The following BBOF1 variants were observed in gnomAD, a reference collection of about 807,000 sequenced individuals.
BBOF1 encodes the protein basal body-orientation factor 1.
A neutral mutation model predicts 68.0 loss-of-function variants in BBOF1; 62 were observed. The observed-to-expected ratio is 0.91, with a 90% CI of 0.74 to 1.13. The LOEUF (loss-of-function observed/expected upper bound fraction) is 1.13, where lower values mean the gene tolerates loss of function less well. Among genes scored for constraint, BBOF1 ranks in the 50% most tolerant of loss-of-function variants. The probability of loss-of-function intolerance (pLI) is 0.00; values close to 1 mark genes in which losing one functional copy is unlikely to be tolerated. For synonymous variants in BBOF1, 208 were observed against 198.8 expected (o/e 1.05, Z -0.39); for missense variants, 534 against 600.1 (o/e 0.89, Z 1.15).
chr14:74,035,901 G>A (rs1393861289), intron 4 of BBOF1, among the ~76,000 whole-genome samples: 1 of 152,076 alleles, frequency 6.6e-6, no homozygotes, highest in African/African-American at 2.4e-5. Context: ...ATAGTTAAAA[G>A]TGAATCCTTA....
At chr14:74,023,925 CAAA>C (rs780429164) in intron 2 of BBOF1, among the ~76,000 whole-genome samples, 3 of 46,770 alleles carry the variant, frequency 6.4e-5, no homozygotes, top group Admixed American at 2.4e-4. Flanking sequence ...GACTCCATCT[CAAA>C]AAAAAAAAAA....
chr14:74,043,400 A>G (rs2059873138), intron 5 of BBOF1, among the ~76,000 whole-genome samples: 1 of 145,890 alleles, frequency 6.9e-6, no homozygotes, highest in Non-Finnish European at 1.5e-5. Context: ...AATACAAAAA[A>G]TTAGCCGGGC....
intron 5 of BBOF1, among the ~76,000 whole-genome samples, chr14:74,043,856 C>CTTA (rs2059890330): frequency 6.6e-6 from 1 of 151,828 alleles, no homozygotes; most frequent in Non-Finnish European, 1.5e-5. Context: ...TTTTATATTG[C>CTTA]TAGTCCCTCC....
downstream of BBOF1, chr14:74,070,639 C>A: frequency 6.4e-6 from 1 of 157,066 alleles, no homozygotes; most frequent in Admixed American, 6.2e-5. Flanking sequence ...CAGAGTCAGC[C>A]TTCCTGGATG....
At chr14:74,079,712 G>A (rs555249010) in intron 10 of BBOF1, among the ~76,000 whole-genome samples, 11 of 152,232 alleles carry the variant, frequency 7.2e-5, no homozygotes, top group Admixed American at 1.3e-4. Context: ...GATTACAGGC[G>A]TGAGCCACTG....
chr14:74,065,317 A>G lies in BBOF1; in HGVS notation c.*618A>G. ...CAATGTTTCTGTCTCCAGAACCACA[A>G]GAACTGGACCAAAAATCTCCTCTTT... On this transcript the variant is annotated 3_prime_UTR_variant, in exon 12 of 12. Transcript: ENST00000394009. 1 of 1,614,162 alleles carries G rather than the reference A, an allele frequency of 6.2e-7. No individual in the cohort carries two copies. Among genetic ancestry groups the G allele is most frequent in the South Asian group, 1.1e-5 (1 of 91,088 alleles).
intron 11 of BBOF1, among the ~76,000 whole-genome samples, chr14:74,064,419 T>C (rs1555376497): frequency 6.6e-6 from 1 of 151,948 alleles, no homozygotes; most frequent in Non-Finnish European, 1.5e-5. Context: ...GGGAACACAC[T>C]GGGGTCACAC....
intron 9 of BBOF1, chr14:74,071,326 A>G (rs766305744): frequency 3.7e-6 from 6 of 1,614,100 alleles, no homozygotes; most frequent in Non-Finnish European, 5.1e-6. Flanking sequence ...TCCACACACC[A>G]TGGCCATGGG....
intron 7 of BBOF1, 127 bp downstream of exon 7, chr14:74,048,201 G>A: frequency 2.4e-6 from 2 of 824,846 alleles, no homozygotes; most frequent in Non-Finnish European, 3.7e-6. Context: ...TCTGGATGAT[G>A]CACTTTTTTT....
At chr14:74,062,569 C>G (rs1476601347) in intron 11 of BBOF1, among the ~76,000 whole-genome samples, 1 of 152,120 alleles carries the variant, frequency 6.6e-6, no homozygotes, top group Non-Finnish European at 1.5e-5. Flanking sequence ...CCACTATACT[C>G]CAGCCTGGGT....
chr14:74,050,406 C>T (rs562918955), intron 8 of BBOF1, among the ~76,000 whole-genome samples: 3 of 152,262 alleles, frequency 2.0e-5, no homozygotes, highest in Admixed American at 6.5e-5. Context: ...GTATATTCCC[C>T]TCTGTCTCAT....
At chr14:74,069,015 G>T, downstream of BBOF1, 1 of 1,608,852 alleles carries the variant, frequency 6.2e-7, no homozygotes, top group South Asian at 1.1e-5. Context: ...ACTCACAAAG[G>T]AGCAAATGGA....
Position 74,055,587 on chromosome 14 carries a change from A to G in BBOF1, c.1290A>G (p.Thr430=), listed in dbSNP as rs1291291670. ...NQDLLEAEKW[T]HIEGNVDIGD... ...TTTTTCCTTTGAAATTCTTTAGGAC[A>G]CATATTGAAGGAAATGTGGATATTG... Residue 430 remains threonine, a synonymous_variant, in exon 9 of 12, where the codon ACA becomes ACG. Transcript: ENST00000394009. 8.7e-6 allele frequency: 14 copies of G among 1,608,848 alleles called. No homozygotes were observed. Among genetic ancestry groups the G allele is most frequent in the Non-Finnish European group, 1.2e-5 (14 of 1,175,894 alleles).
intron 4 of BBOF1, among the ~76,000 whole-genome samples, chr14:74,038,895 AAAGAAAAAAAG>A (rs1251535449): frequency 6.6e-6 from 1 of 152,154 alleles, no homozygotes; most frequent in Non-Finnish European, 1.5e-5. Flanking sequence ...GTCTCCAAAA[AAAGAAAAAAAG>A]AAGAAAGAAA....
intron 2 of BBOF1, among the ~76,000 whole-genome samples, chr14:74,027,385 CTTTT>C (rs35107293): frequency 1.3e-4 from 8 of 61,072 alleles, no homozygotes; most frequent in African/African-American, 4.3e-4. Flanking sequence ...CCTCGCCCAG[CTTTT>C]TTTTTTTTTT....
intron 9 of BBOF1, chr14:74,074,957 C>T (rs372587812): frequency 5.6e-6 from 9 of 1,614,014 alleles, no homozygotes; most frequent in East Asian, 2.2e-5. Flanking sequence ...AAACTCACCA[C>T]TGAAGAAGAG....
At chr14:74,039,303 G>A (rs989304652) in intron 4 of BBOF1, among the ~76,000 whole-genome samples, 2 of 152,082 alleles carry the variant, frequency 1.3e-5, no homozygotes, top group African/African-American at 4.8e-5. Context: ...GAATTCCATT[G>A]GGTAGATATA....
rs574769742 is a variant in BBOF1 at position 74,065,216 on chromosome 14, C to G, written c.*517C>G. 6.2e-7 allele frequency: 1 copy of G among 1,614,162 alleles called. No homozygotes were observed. Among genetic ancestry groups the G allele is most frequent in the Non-Finnish European group, 8.5e-7 (1 of 1,180,024 alleles). On this transcript the variant is annotated 3_prime_UTR_variant, in exon 12 of 12. Coordinates refer to ENST00000394009, the MANE Select transcript of BBOF1 (RefSeq NM_025057.3). ...TCCACCAAGTGGGCATATTTCCGAG[C>G]AGTGGCTCCATTGGTGGTGAAGATG...
downstream of BBOF1, among the ~76,000 whole-genome samples, chr14:74,067,868 T>C (rs1393276668): frequency 6.6e-6 from 1 of 152,016 alleles, no homozygotes; most frequent in Non-Finnish European, 1.5e-5. Flanking sequence ...GAGGTTGCAG[T>C]GAGCCAAGAT....
Sources: gnomAD v4.1 joint callset for allele counts (sites outside exome capture counted in the v4.1 genomes callset) on GRCh38, gnomAD v4.1.1 for gene constraint, MANE v1.5 for transcripts, NCBI Gene and HGNC (gene_info 2026-07-23, HGNC 2026-07-21) for gene names.